Variants in RAB28 observed in about 807,000 individuals in gnomAD.
The protein encoded by RAB28 is ras-related protein Rab-28.
A neutral mutation model predicts 31.7 loss-of-function variants in RAB28; 24 were observed. The observed-to-expected ratio is 0.76, with a 90% CI of 0.55 to 1.06. RAB28 has a LOEUF of 1.06. Ranked by LOEUF, RAB28 falls within the 50% of genes least tolerant of loss-of-function variation. The pLI is 0.00. For synonymous variants in RAB28, 100 were observed against 90.4 expected (o/e 1.11, Z -0.60); for missense variants, 254 against 258.5 (o/e 0.98, Z 0.12).
chr4:13,420,408 G>A (rs1196945215), intron 4 of RAB28, among the ~76,000 whole-genome samples: 1 of 152,154 alleles, frequency 6.6e-6, no homozygotes, highest in Non-Finnish European at 1.5e-5. Flanking sequence ...CTCATTTTAT[G>A]ATGCCAGTAT....
chr4:13,441,945 T>C (rs1375558790), intron 4 of RAB28, among the ~76,000 whole-genome samples: 1 of 152,154 alleles, frequency 6.6e-6, no homozygotes, highest in Non-Finnish European at 1.5e-5. Flanking sequence ...TTGACATCAG[T>C]CACATCACGA....
chr4:13,374,502 G>T (rs1728844083), intron 6 of RAB28, among the ~76,000 whole-genome samples: 1 of 152,026 alleles, frequency 6.6e-6, no homozygotes, highest in African/African-American at 2.4e-5. Flanking sequence ...GCAGTACAAG[G>T]AATCCTTCCT....
intron 6 of RAB28, among the ~76,000 whole-genome samples, chr4:13,372,719 CAT>C (rs1293353414): frequency 6.6e-6 from 1 of 151,876 alleles, no homozygotes; most frequent in Non-Finnish European, 1.5e-5. Flanking sequence ...AAAAAATTAA[CAT>C]GTGGGTAAGA....
At chr4:13,462,641 C>G (rs1715648948) in intron 3 of RAB28, among the ~76,000 whole-genome samples, 1 of 152,136 alleles carries the variant, frequency 6.6e-6, no homozygotes. Context: ...TTCTCCAGGT[C>G]TCAGGTTTCT....
At chr4:13,431,935 G>C (rs1168459058) in intron 4 of RAB28, among the ~76,000 whole-genome samples, 10 of 152,032 alleles carry the variant, frequency 6.6e-5, no homozygotes, top group African/African-American at 2.4e-4. Flanking sequence ...TCTAGCAATG[G>C]ATCCTAACCA....
At chr4:13,409,285 G>A (rs937571004) in intron 4 of RAB28, among the ~76,000 whole-genome samples, 5 of 152,130 alleles carry the variant, frequency 3.3e-5, no homozygotes, top group Admixed American at 3.3e-4. Context: ...ACTGAAAAAG[G>A]TGCTCAAATT....
chr4:13,369,761 T>C lies in RAB28; in HGVS notation c.574-1111A>G, dbSNP rs189718232. ...TAGACGTGATATTAACTTCCAATAA[T>C]GTACAATAATCATCTGAACTTCCCT... is the stretch of plus-strand genomic sequence containing the variant. On this transcript the variant is annotated intron_variant, in intron 6 of 6. Coordinates refer to ENST00000330852, the MANE Select transcript of RAB28 (RefSeq NM_001017979.3). 4,962 of 1,045,258 alleles carry C rather than the reference T, an allele frequency of 4.7e-3. 30 individuals are homozygous for C. The highest frequency in any genetic ancestry group is 4.8e-3 in the Non-Finnish European group (3,805 of 786,076). 64.7% of individuals were successfully genotyped at this position (1,045,258 alleles called of 1,614,324 possible). A position where few individuals can be genotyped will look rare whatever the true frequency, so the allele number is the denominator to read the frequency against.
At chr4:13,424,194 A>T (rs912963505) in intron 4 of RAB28, among the ~76,000 whole-genome samples, 1 of 152,238 alleles carries the variant, frequency 6.6e-6, no homozygotes, top group Non-Finnish European at 1.5e-5. Flanking sequence ...AAGTTGCCAT[A>T]AGAAAGTACT....
At chr4:13,375,804 G>C (rs866508913) in intron 6 of RAB28, among the ~76,000 whole-genome samples, 2,992 of 147,018 alleles carry the variant, frequency 0.02, 89 homozygotes, top group African/African-American at 0.069. Flanking sequence ...CAGAGAGAGA[G>C]AGAGACCATG....
chr4:13,369,885 T>A (rs1332372534), intron 6 of RAB28: 1 of 1,611,948 alleles, frequency 6.2e-7, no homozygotes, highest in Admixed American at 1.7e-5. Context: ...ACTACTGTAC[T>A]GAACAGATTC....
At chr4:13,425,370 C>CT (rs1465359899) in intron 4 of RAB28, among the ~76,000 whole-genome samples, 1 of 152,190 alleles carries the variant, frequency 6.6e-6, no homozygotes, top group African/African-American at 2.4e-5. Flanking sequence ...TTCCCTTAAA[C>CT]TAATACTAAA....
At chr4:13,421,326 C>A (rs928567335) in intron 4 of RAB28, among the ~76,000 whole-genome samples, 2 of 152,194 alleles carry the variant, frequency 1.3e-5, no homozygotes, top group Admixed American at 6.5e-5. Flanking sequence ...AATGGTCATA[C>A]TGCCCAAGGT....
intron 4 of RAB28, among the ~76,000 whole-genome samples, chr4:13,390,374 C>G (rs1355816232): frequency 6.6e-6 from 1 of 152,052 alleles, no homozygotes; most frequent in Non-Finnish European, 1.5e-5. Context: ...CTCTTTACCT[C>G]TTCAAGGAGA....
chr4:13,456,159 A>C (rs1715288445), intron 4 of RAB28, among the ~76,000 whole-genome samples: 1 of 152,236 alleles, frequency 6.6e-6, no homozygotes, highest in Non-Finnish European at 1.5e-5. Context: ...ATTCTCAAAA[A>C]TGTTCAGTGA....
chr4:13,412,316 T>A (rs1712484358), intron 4 of RAB28, among the ~76,000 whole-genome samples: 1 of 152,048 alleles, frequency 6.6e-6, no homozygotes, highest in Non-Finnish European at 1.5e-5. Flanking sequence ...AATGCTCAGA[T>A]TGCTAGTAAG....
Position 13,474,305 on chromosome 4 carries a change from A to T in RAB28, c.261+13T>A. The T allele has an allele frequency of 6.5e-7, 1 of 1,536,856 alleles. No individual in the cohort carries two copies. Among genetic ancestry groups the T allele is most frequent in the Non-Finnish European group, 9.0e-7 (1 of 1,114,782 alleles). On this transcript the variant is annotated intron_variant, in intron 3 of 6. Transcript: ENST00000330852. The stretch of plus-strand genomic sequence containing the variant: ...TACTTTCAATACTGGAATAATCAGA[A>T]TTCATATCATACCTGTGCTCCATAG...
At position 13,484,279 on chromosome 4, in the gene RAB28, C is replaced by A; in HGVS notation, c.-129G>T. 1.4e-6 allele frequency: 1 copy of A among 707,296 alleles called. No homozygotes were observed. Among genetic ancestry groups the A allele is most frequent in the Non-Finnish European group, 2.5e-6 (1 of 393,946 alleles). 43.8% of individuals were successfully genotyped at this position (707,296 alleles called of 1,614,324 possible). The stretch of plus-strand genomic sequence containing the variant: ...CCCCGCCCCGGTGTCTCCGCGCCGG[C>A]AGGAGGTATTCGAGGAGAATCACTC... On this transcript the variant is annotated 5_prime_UTR_variant, in exon 1 of 7. Coordinates refer to ENST00000330852, the MANE Select transcript of RAB28 (RefSeq NM_001017979.3).
In RAB28 at chr4:13,478,182, T is replaced by C. The variant is rs185174951; in HGVS notation, c.172+1248A>G. Among the ~76,000 whole-genome samples, 36 of 151,758 alleles carry C rather than the reference T, an allele frequency of 2.4e-4. No homozygotes were observed. In the East Asian group the frequency reaches 6.9e-3, roughly 29 times the overall value. On this transcript the variant is annotated intron_variant, in intron 2 of 6. Transcript: ENST00000330852. ...GCTGTTAAGTATTCTGAATGCAGCATAGATTATCCGTAAGAGTGAGAATAA... is the reference window on the plus strand; with the variant it reads ...GCTGTTAAGTATTCTGAATGCAGCACAGATTATCCGTAAGAGTGAGAATAA...
chr4:13,394,091 T>G (rs954091152), intron 4 of RAB28, among the ~76,000 whole-genome samples: 2 of 151,978 alleles, frequency 1.3e-5, no homozygotes, highest in African/African-American at 2.4e-5. Context: ...AATCTGAAAG[T>G]GGAGGAGGCG....
Sources: gnomAD v4.1 joint callset for allele counts (sites outside exome capture counted in the v4.1 genomes callset) on GRCh38, gnomAD v4.1.1 for gene constraint, MANE v1.5 for transcripts, NCBI Gene and HGNC (gene_info 2026-07-23, HGNC 2026-07-21) for gene names.